The following GPR107 variants were observed in gnomAD, a reference collection of about 807,000 sequenced individuals.
GPR107 encodes the protein protein GPR107.
In GPR107, 31 loss-of-function variants were observed where a neutral mutation model predicts 75.5. The ratio of observed to expected loss-of-function variants is 0.41; its 90% CI spans 0.31 to 0.55. The LOEUF (loss-of-function observed/expected upper bound fraction) is 0.55, where lower values mean the gene tolerates loss of function less well. GPR107 is among the 20% of genes least tolerant of loss of function. GPR107 has a pLI of 0.26. For synonymous variants in GPR107, 267 were observed against 251.3 expected (o/e 1.06, Z -0.59); for missense variants, 572 against 665.7 (o/e 0.86, Z 1.55).
At chr9:130,078,031 G>C (rs1395795179) in intron 4 of GPR107, among the ~76,000 whole-genome samples, 1 of 152,112 alleles carries the variant, frequency 6.6e-6, no homozygotes, top group Non-Finnish European at 1.5e-5. Context: ...CGGGCGTGGT[G>C]GTGGGCGCCT....
At chr9:130,083,679 T>C in intron 6 of GPR107, 77 bp downstream of exon 6, 1 of 775,894 alleles carries the variant, frequency 1.3e-6, no homozygotes, top group Non-Finnish European at 2.0e-6. Context: ...CATGTGTGTG[T>C]GTGTATTGAT....
At chr9:130,119,283 A>G (rs1831497023) in intron 14 of GPR107, among the ~76,000 whole-genome samples, 3 of 152,196 alleles carry the variant, frequency 2.0e-5, no homozygotes, top group Non-Finnish European at 2.9e-5. Context: ...GCGCCCTGGC[A>G]GCCCCCAGGT....
intron 14 of GPR107, 136 bp downstream of exon 14, chr9:130,107,675 C>A: frequency 1.4e-6 from 1 of 729,108 alleles, no homozygotes. Flanking sequence ...AGGCCTGGGG[C>A]CCACTTCGTG....
In GPR107 at chr9:130,088,659, C is replaced by T. The variant is rs140262597; in HGVS notation, c.621+2183C>T. ...AATCCTCTAAACAACTCTGTGAAGT[C>T]GGTATTGTTATTTTTTCTCTTTTAC... On this transcript the variant is annotated intron_variant, in intron 7 of 17. Transcript: ENST00000347136. Among the ~76,000 whole-genome samples the T allele has an allele frequency of 2.8e-3, 427 of 152,260 alleles. 1 individual carries two copies. The highest frequency in any genetic ancestry group is 4.3e-3 in the Non-Finnish European group (290 of 68,018).
intron 1 of GPR107, among the ~76,000 whole-genome samples, chr9:130,072,431 G>A (rs2132555041): frequency 6.6e-6 from 1 of 152,024 alleles, no homozygotes; most frequent in East Asian, 1.9e-4. Context: ...GTGTTAGCCA[G>A]GATGGTCTCA....
At chr9:130,108,992 CTTTTTTTTTTT>C (rs11316244) in intron 14 of GPR107, among the ~76,000 whole-genome samples, 3 of 66,066 alleles carry the variant, frequency 4.5e-5, no homozygotes, top group Admixed American at 2.1e-4. Flanking sequence ...TGGGGATATT[CTTTTTTTTTTT>C]TTTTTTTTTT....
intron 14 of GPR107, among the ~76,000 whole-genome samples, chr9:130,121,845 A>G (rs187484570): frequency 6.6e-6 from 1 of 152,226 alleles, no homozygotes. Context: ...TTCCTTTGTC[A>G]GGACTTCAGC....
chr9:130,054,123 C>CT (rs397736670), intron 1 of GPR107, 50 bp downstream of exon 1: 3 of 1,491,460 alleles, frequency 2.0e-6, no homozygotes, highest in South Asian at 2.6e-5. Flanking sequence ...GGCCACTCCC[C>CT]GGGTTTTAGG....
chr9:130,055,333 G>A (rs10123072), intron 1 of GPR107, among the ~76,000 whole-genome samples: 47,786 of 151,504 alleles, frequency 0.32, 7,736 homozygotes, highest in Non-Finnish European at 0.38. Flanking sequence ...GCCAGGCGTG[G>A]TGGCAGGCGC....
chr9:130,077,707 G>A lies in GPR107; in HGVS notation c.386+329G>A, dbSNP rs1486184659. On this transcript the variant is annotated intron_variant, in intron 4 of 17. Coordinates refer to ENST00000347136, the MANE Select transcript of GPR107 (RefSeq NM_020960.5). Reference sequence around the variant, plus strand: ...ATAAGTAAAGCATTCCAGGCAGAGGGCATAGTCTATGCAAAGGCAGAGTGG... The same window carrying A: ...ATAAGTAAAGCATTCCAGGCAGAGGACATAGTCTATGCAAAGGCAGAGTGG... 2.6e-5 allele frequency among the ~76,000 whole-genome samples: 4 copies of A among 152,306 alleles called. No individual in the cohort carries two copies. The East Asian group carries it at 7.7e-4, about 29-fold the overall frequency.
rs537797815 is a variant in GPR107 at position 130,115,469 on chromosome 9, T to A, written c.1306+7930T>A. On this transcript the variant is annotated intron_variant, in intron 14 of 17. Transcript: ENST00000347136. The stretch of plus-strand genomic sequence containing the variant: ...TGCTCTGGTCCTTTTTGTTTTCTTT[T>A]AAAAAAAAAAATAGGCCAGGCACGG... 1.9e-3 allele frequency among the ~76,000 whole-genome samples: 286 copies of A among 149,242 alleles called. 12 individuals carry two copies. The highest frequency in any genetic ancestry group is 2.5e-3 in the Admixed American group (37 of 14,986).
chr9:130,130,877 G>GAAAA lies in GPR107; in HGVS notation c.1562+2129_1562+2132dup, dbSNP rs113310099. Among the ~76,000 whole-genome samples, 11 of 135,620 alleles carry GAAAA rather than the reference G, an allele frequency of 8.1e-5. 1 individual carries two copies. The highest frequency in any genetic ancestry group is 9.3e-5 in the Non-Finnish European group (6 of 64,636). 89.0% of individuals were successfully genotyped at this position (135,620 alleles called of 152,430 possible). A position where few individuals can be genotyped will look rare whatever the true frequency, so the allele number is the denominator to read the frequency against. On this transcript the variant is annotated intron_variant, in intron 17 of 17. Coordinates refer to ENST00000347136, the MANE Select transcript of GPR107 (RefSeq NM_020960.5). ...GAGAGTGAAACTCCGTCTCAAAAAAGAAAAAAAAAAAAAAAACGCATGAAT... is the reference window on the plus strand; with the variant it reads ...GAGAGTGAAACTCCGTCTCAAAAAAGAAAAAAAAAAAAAAAAAAAACGCATGAAT...
chr9:130,092,792 T>C (rs1473389358), intron 9 of GPR107, among the ~76,000 whole-genome samples: 1 of 152,128 alleles, frequency 6.6e-6, no homozygotes, highest in African/African-American at 2.4e-5. Context: ...ATTTTGTTTT[T>C]GTATTTTTAG....
chr9:130,122,035 C>G (rs1196770719), intron 14 of GPR107, among the ~76,000 whole-genome samples: 1 of 152,054 alleles, frequency 6.6e-6, no homozygotes, highest in African/African-American at 2.4e-5. Context: ...GGACTACAGG[C>G]ATCCGCCACC....
At chr9:130,083,670 A>G in intron 6 of GPR107, 68 bp downstream of exon 6, 5 of 849,896 alleles carry the variant, frequency 5.9e-6, no homozygotes, top group Non-Finnish European at 8.7e-6. Context: ...TGTTATATGC[A>G]TGTGTGTGTG....
At chr9:130,098,138 C>T (rs1830924422) in intron 9 of GPR107, among the ~76,000 whole-genome samples, 1 of 152,180 alleles carries the variant, frequency 6.6e-6, no homozygotes, top group African/African-American at 2.4e-5. Flanking sequence ...CCACCTCAGC[C>T]TCCCTAAGTG....
rs1170376561 is a variant in GPR107 at position 130,139,351 on chromosome 9, G to C, written c.*4230G>C. On this transcript the variant is annotated 3_prime_UTR_variant, in exon 18 of 18. Transcript: ENST00000347136. ...GCGTTTTTAAAAGGCATCTACCTGA[G>C]TTGACGCTAATACTTGTCACCACCT... 6.6e-6 allele frequency: 1 copy of C among 152,348 alleles called. No individual in the cohort carries two copies. 9.4% of individuals were successfully genotyped at this position (152,348 alleles called of 1,614,324 possible). A position where few individuals can be genotyped will look rare whatever the true frequency, so the allele number is the denominator to read the frequency against.
At chr9:130,110,287 GTAGTAAAGGGTAAC>G (rs1831263758) in intron 14 of GPR107, 2 of 796,466 alleles carry the variant, frequency 2.5e-6, no homozygotes, top group Non-Finnish European at 4.4e-6. Context: ...CCCAGCATCT[GTAGTAAAGGGTAAC>G]TTCCTTTAAC....
At chr9:130,109,290 C>G (rs1286351310) in intron 14 of GPR107, among the ~76,000 whole-genome samples, 1 of 152,112 alleles carries the variant, frequency 6.6e-6, no homozygotes, top group African/African-American at 2.4e-5. Context: ...CCTTCCTCAG[C>G]CTCCCAAGTA....
Sources: gnomAD v4.1 joint callset for allele counts (sites outside exome capture counted in the v4.1 genomes callset) on GRCh38, gnomAD v4.1.1 for gene constraint, MANE v1.5 for transcripts, NCBI Gene and HGNC (gene_info 2026-07-23, HGNC 2026-07-21) for gene names.